The following NPHS1 variants were observed in gnomAD, a reference collection of about 807,000 sequenced individuals.
The protein encoded by NPHS1 is NPHS1 adhesion molecule, nephrin.
NPHS1 carries 107 observed loss-of-function variants against 139.7 expected under a neutral mutation model. That is an observed-to-expected ratio of 0.77 (90% CI 0.66 to 0.90). NPHS1 has a LOEUF of 0.90. NPHS1 is among the 40% of genes least tolerant of loss of function. The pLI is 0.00. For synonymous variants in NPHS1, 707 were observed against 706.6 expected (o/e 1.00, Z -0.01); for missense variants, 1,580 against 1,654.2 (o/e 0.96, Z 0.78).
In NPHS1 at chr19:35,849,319, C is replaced by A. The variant is rs1238593986; in HGVS notation, c.757G>T (p.Gly253Trp). Residue 253 changes from glycine to tryptophan, a missense_variant, in exon 7 of 29, where the codon GGG becomes TGG. Coordinates refer to ENST00000378910, the MANE Select transcript of NPHS1 (RefSeq NM_004646.4). ...AAGCTCTGTCCTGCCCGCACGTGCC[C>A]CTCATCCAGGCCTGGCCACTCGATG... The part of the protein sequence containing the change: ...PVIEWPGLDE[G>W]HVRAGQSLEL... 3 of 1,612,916 alleles carry A rather than the reference C, an allele frequency of 1.9e-6. No individual in the cohort carries two copies. Among genetic ancestry groups the A allele is most frequent in the Admixed American group, 1.7e-5 (1 of 60,000 alleles).
chr19:35,846,255 C>A, intron 11 of NPHS1, 61 bp from the exon 12 acceptor site: 1 of 1,517,302 alleles, frequency 6.6e-7, no homozygotes, highest in Non-Finnish European at 8.9e-7. Flanking sequence ...AACCCCCAAC[C>A]CCCCTACCCT....
Position 35,826,564 on chromosome 19 carries a change from TG to T in NPHS1, c.3675del (p.Asp1225GlufsTer12). 1 of 1,613,692 alleles carries T rather than the reference TG, an allele frequency of 6.2e-7. No individual in the cohort carries two copies. Among genetic ancestry groups the T allele is most frequent in the Non-Finnish European group, 8.5e-7 (1 of 1,179,960 alleles). ...GIYDQVAGDLDTLEPDSLPFE... is the reference protein window; with the variant it reads ...GIYDQVAGDLXTLEPDSLPFE... ...AAGGGCAGAGAATCGGGTTCCAGAG[TG>T]TCCAAGTCTCCGGCCACCTGGTCAT... On this transcript the variant is annotated frameshift_variant, in exon 29 of 29. Transcript: ENST00000378910. LOFTEE classifies it high-confidence loss of function.
rs1211407565 is a variant in NPHS1, at chr19:35,848,456, G to T, written c.1171-59C>A. 6.2e-6 allele frequency: 10 copies of T among 1,611,898 alleles called. No homozygotes were observed. In the Admixed American group the frequency reaches 1.7e-4, roughly 27 times the overall value. ...CAGCACCCCTATCCATCGTGCTAGA[G>T]GCCTGAGTCCATCCCAGTCCCCAGC... On this transcript the variant is annotated intron_variant, in intron 9 of 28. Transcript: ENST00000378910.
intron 22 of NPHS1, among the ~76,000 whole-genome samples, chr19:35,836,416 C>T (rs1019724530): frequency 8.6e-5 from 13 of 152,004 alleles, no homozygotes. Flanking sequence ...CATCACCATG[C>T]CTGGCCCAAA....
intron 22 of NPHS1, among the ~76,000 whole-genome samples, chr19:35,836,158 A>G (rs1972957557): frequency 7.0e-6 from 1 of 143,480 alleles, no homozygotes; most frequent in Non-Finnish European, 1.5e-5. Flanking sequence ...ATGGGGTTTC[A>G]CCATGTTGGC....
Position 35,851,369 on chromosome 19 carries a change from T to C in NPHS1, c.290A>G (p.His97Arg). The C allele has an allele frequency of 1.2e-6, 2 of 1,613,286 alleles. No individual in the cohort carries two copies. Among genetic ancestry groups the C allele is most frequent in the East Asian group, 2.2e-5 (1 of 44,856 alleles). ...ATCGCTGAGGTCACAGGCCTCGATG[T>C]GCAGGTGGAATTCACCTGCAGGGGG... Reference protein sequence around the residue: ...GDPARGEFHLHIEACDLSDDA... With the variant: ...GDPARGEFHLRIEACDLSDDA... The change falls in exon 3 of 29, where the codon CAC (histidine) becomes CGC (arginine). Residue 97 changes from histidine (H) to arginine (R), a missense_variant. His to Arg is a conservative substitution (Grantham distance 29). Transcript: ENST00000378910.
At chr19:35,849,496 C>T in intron 6 of NPHS1, 54 bp downstream of exon 6, 3 of 1,595,822 alleles carry the variant, frequency 1.9e-6, no homozygotes, top group Non-Finnish European at 1.7e-6. Context: ...CCCCACACCC[C>T]CCAGTGCCTG....
chr19:35,847,134 C>T (rs1973154413), intron 11 of NPHS1, among the ~76,000 whole-genome samples: 1 of 152,086 alleles, frequency 6.6e-6, no homozygotes, highest in Non-Finnish European at 1.5e-5. Flanking sequence ...CAAGCTCCGC[C>T]TCCCGGGTTC....
chr19:35,838,467 C>T (rs540497397), intron 22 of NPHS1, among the ~76,000 whole-genome samples: 5 of 151,452 alleles, frequency 3.3e-5, no homozygotes, highest in Admixed American at 2.6e-4. Flanking sequence ...GCAGGAGAAT[C>T]GCTTGAACCC....
Position 35,852,440 on chromosome 19 carries a change from G to A in NPHS1, c.-603C>T, listed in dbSNP as rs906445014. On this transcript the variant is annotated 5_prime_UTR_variant, in exon 1 of 29. Transcript: ENST00000378910. ...CAGCAGGCCAGGAGCCTAGGAGAGC[G>A]ATGAGGCTGATGCAGGCACTGGCAG... Among the ~76,000 whole-genome samples, 5 of 152,110 alleles carry A rather than the reference G, an allele frequency of 3.3e-5. No individual in the cohort carries two copies. The highest frequency in any genetic ancestry group is 6.5e-5 in the Admixed American group (1 of 15,268).
rs1346926646 is a variant in NPHS1 at position 35,831,312 on chromosome 19, T to A, written c.3371A>T (p.Asp1124Val). ...CCCACTTACCGTGGAGCTCTGAGTG[T>A]CCCGCTCTCCTGTCCACTGGCTCTC... ...YEESQWTGER[D>V]TQSSTVSTTE... The change falls in exon 26 of 29, where the codon GAC (aspartate) becomes GTC (valine). Residue 1124 changes from aspartate (D) to valine (V), a missense_variant. Coordinates refer to ENST00000378910, the MANE Select transcript of NPHS1 (RefSeq NM_004646.4). 6.2e-7 allele frequency: 1 copy of A among 1,614,016 alleles called. No homozygotes were observed. The highest frequency in any genetic ancestry group is 1.1e-5 in the South Asian group (1 of 91,074).
rs386833880 is a variant in NPHS1, at chr19:35,848,102, C to G, written c.1379G>C (p.Arg460Pro). 6.2e-7 allele frequency: 1 copy of G among 1,614,066 alleles called. No individual in the cohort carries two copies. Among genetic ancestry groups the G allele is most frequent in the South Asian group, 1.1e-5 (1 of 91,084 alleles). The stretch of plus-strand genomic sequence containing the variant: ...GATAGCCAAACACACCAGCCTCACC[C>G]GGGTCCCAGCCCGGAGCTTCTGGCC... The part of the protein sequence containing the change: ...PEGQKLRAGT[R>P]VRLVCLAIGG... Residue 460 changes from arginine to proline, a missense_variant, in exon 11 of 29, where the codon CGG becomes CCG. By Grantham distance (103) the Arg-to-Pro change is moderately radical (BLOSUM62 -2). Coordinates refer to ENST00000378910, the MANE Select transcript of NPHS1 (RefSeq NM_004646.4).
intron 28 of NPHS1, among the ~76,000 whole-genome samples, chr19:35,828,730 G>A (rs1029904848): frequency 1.6e-4 from 24 of 152,212 alleles, no homozygotes; most frequent in African/African-American, 5.3e-4. Flanking sequence ...ACTTTACGGT[G>A]GCAGAGTTTG....
intron 11 of NPHS1, among the ~76,000 whole-genome samples, chr19:35,846,459 C>G (rs933318511): frequency 2.0e-5 from 3 of 152,218 alleles, no homozygotes; most frequent in African/African-American, 2.4e-5. Flanking sequence ...CTGTCCCACA[C>G]CCAACTCCTG....
chr19:35,848,306 C>A lies in NPHS1; in HGVS notation c.1262G>T (p.Ser421Ile). 1 of 1,614,142 alleles carries A rather than the reference C, an allele frequency of 6.2e-7. No homozygotes were observed. Residue 421 changes from serine to isoleucine, a missense_variant, in exon 10 of 29, where the codon AGT becomes ATT. Transcript: ENST00000378910. Reference protein sequence around the residue: ...NGLTLTCEAFSEAFTKETFKK... With the variant: ...NGLTLTCEAFIEAFTKETFKK... The stretch of plus-strand genomic sequence containing the variant: ...GAAGGTCTCCTTGGTGAAGGCTTCA[C>A]TGAAGGCCTCACATGTGAGGGTCAG...
At position 35,849,594 on chromosome 19, in the gene NPHS1, G is replaced by C; in HGVS notation, c.668C>G (p.Ala223Gly). Reference sequence around the variant, plus strand: ...TGAGGCCTTGATGGGGGCCTCCAGTGCTGGGCTAGACGCCTCACAGACCAG... The same window carrying C: ...TGAGGCCTTGATGGGGGCCTCCAGTCCTGGGCTAGACGCCTCACAGACCAG... ...QLLVCEASSPALEAPIKASFT... is the reference protein window; with the variant it reads ...QLLVCEASSPGLEAPIKASFT... The change falls in exon 6 of 29, where the codon GCA becomes GGA. Residue 223 changes from alanine to glycine, a missense_variant. Transcript: ENST00000378910. 2 of 1,614,142 alleles carry C rather than the reference G, an allele frequency of 1.2e-6. No homozygotes were observed. The highest frequency in any genetic ancestry group is 1.7e-5 in the Admixed American group (1 of 60,024).
chr19:35,850,327 A>G (rs1555763769), intron 5 of NPHS1, 37 bp downstream of exon 5: 1 of 1,561,076 alleles, frequency 6.4e-7, no homozygotes, highest in South Asian at 1.1e-5. Context: ...GGGGAAAATT[A>G]GGGGTCAAGG....
chr19:35,839,375 C>T lies in NPHS1; in HGVS notation c.2971G>A (p.Val991Ile), dbSNP rs34736717. 36 of 1,613,982 alleles carry T rather than the reference C, an allele frequency of 2.2e-5. No individual in the cohort carries two copies. The highest frequency in any genetic ancestry group is 4.0e-5 in the African/African-American group (3 of 74,868). The change falls in exon 22 of 29, where the codon GTA becomes ATA. Residue 991 changes from valine to isoleucine, a missense_variant. Physicochemically the swap from Val to Ile is conservative, Grantham distance 29 (BLOSUM62 3). Coordinates refer to ENST00000378910, the MANE Select transcript of NPHS1 (RefSeq NM_004646.4). Reference protein sequence around the residue: ...GTPGFHYVDVVPPQATTFTLT... With the variant: ...GTPGFHYVDVIPPQATTFTLT... The stretch of plus-strand genomic sequence containing the variant: ...GTGAAGGTGGTGGCCTGGGGTGGTA[C>T]GACATCCACATAGTGGAACCCTGGA...
intron 28 of NPHS1, among the ~76,000 whole-genome samples, chr19:35,827,829 A>G (rs1265289965): frequency 6.6e-6 from 1 of 152,198 alleles, no homozygotes; most frequent in African/African-American, 2.4e-5. Flanking sequence ...AGGCAGGAGA[A>G]TCGCTTGAAC....
Sources: allele counts gnomAD v4.1 joint callset (sites outside exome capture counted in the v4.1 genomes callset), GRCh38; gene constraint gnomAD v4.1.1; transcripts MANE v1.5; gene names NCBI Gene and HGNC (gene_info 2026-07-23, HGNC 2026-07-21).